The following VWA8 variants were observed in gnomAD, a reference collection of about 807,000 sequenced individuals.
VWA8 encodes the protein von Willebrand factor A domain containing 8.
In VWA8, 221 loss-of-function variants were observed where a neutral mutation model predicts 241.5. The observed-to-expected ratio is 0.91, with a 90% CI of 0.82 to 1.02. The LOEUF is 1.02. VWA8 is among the 50% of genes least tolerant of loss of function. The pLI is 0.00. For missense variants in VWA8, 2,322 were observed against 2,328.7 expected, an observed-to-expected ratio of 1.00 and a Z score of 0.06; for synonymous variants, 852 against 827.1, an observed-to-expected ratio of 1.03 and a Z score of -0.52.
chr13:41,953,759 A>C (rs1045915607), intron 1 of VWA8, among the ~76,000 whole-genome samples: 4 of 152,204 alleles, frequency 2.6e-5, no homozygotes, highest in Non-Finnish European at 5.9e-5. Flanking sequence ...CAGTGAGCCG[A>C]GATAGCGCCA....
At chr13:41,841,860 A>ATCTATAT (rs1566478209) in intron 12 of VWA8, among the ~76,000 whole-genome samples, 1 of 62,664 alleles carries the variant, frequency 1.6e-5, no homozygotes, top group African/African-American at 8.4e-5. Flanking sequence ...TATATATATA[A>ATCTATAT]AAACAGTAGA....
chr13:41,677,395 T>C (rs764496708), intron 35 of VWA8, among the ~76,000 whole-genome samples: 12 of 152,218 alleles, frequency 7.9e-5, no homozygotes, highest in Non-Finnish European at 1.8e-4. Flanking sequence ...CACTGCTTAG[T>C]CTTCACAGAG....
chr13:41,732,039 A>G, intron 22 of VWA8, 41 bp downstream of exon 22: 1 of 1,570,100 alleles, frequency 6.4e-7, no homozygotes, highest in Non-Finnish European at 8.7e-7. Context: ...ACTATGATAC[A>G]AAAATACACT....
chr13:41,837,692 T>A (rs1043399180), intron 12 of VWA8, among the ~76,000 whole-genome samples: 3 of 152,182 alleles, frequency 2.0e-5, no homozygotes, highest in African/African-American at 7.2e-5. Flanking sequence ...CCCATCTACA[T>A]GCACATTGCT....
chr13:41,915,254 C>T (rs1014524111), intron 2 of VWA8, among the ~76,000 whole-genome samples: 8 of 152,186 alleles, frequency 5.3e-5, no homozygotes, highest in Non-Finnish European at 1.0e-4. Context: ...TCTTCCACTT[C>T]AGCATGATGC....
chr13:41,599,582 C>T (rs1008020391), intron 40 of VWA8, among the ~76,000 whole-genome samples: 21 of 152,050 alleles, frequency 1.4e-4, no homozygotes, highest in African/African-American at 5.1e-4. Context: ...TGTTGAGGAA[C>T]AGATTGGACA....
At chr13:41,910,728 C>T (rs1875955499) in intron 3 of VWA8, among the ~76,000 whole-genome samples, 1 of 152,132 alleles carries the variant, frequency 6.6e-6, no homozygotes, top group South Asian at 2.1e-4. Context: ...TTTTACCTCA[C>T]AAACTAGTTC....
At position 41,628,036 on chromosome 13, in the gene VWA8, C is replaced by A. The variant is rs544353180; in HGVS notation, c.4612-12952G>T. Among the ~76,000 whole-genome samples, 632 of 152,252 alleles carry A rather than the reference C, an allele frequency of 4.2e-3. 2 individuals are homozygous for A. Among genetic ancestry groups the A allele is most frequent in the Non-Finnish European group, 5.9e-3 (402 of 68,024 alleles). ...AAATGACTTTGTAACTTTTCTTCAT[C>A]CACTTGATTTACATAGGGTGTACCC... On this transcript the variant is annotated intron_variant, in intron 37 of 44. Coordinates refer to ENST00000379310, the MANE Select transcript of VWA8 (RefSeq NM_015058.2).
intron 9 of VWA8, among the ~76,000 whole-genome samples, chr13:41,870,213 T>C (rs1873525023): frequency 1.3e-5 from 2 of 152,252 alleles, no homozygotes; most frequent in South Asian, 4.1e-4. Flanking sequence ...TGACAAGAAT[T>C]GCTTCCATGT....
At chr13:41,792,253 C>T (rs1869494862) in intron 17 of VWA8, among the ~76,000 whole-genome samples, 1 of 151,834 alleles carries the variant, frequency 6.6e-6, no homozygotes, top group Non-Finnish European at 1.5e-5. Flanking sequence ...AATCAAAAAT[C>T]ATCCAAAACA....
At chr13:41,945,066 A>C (rs545196994) in intron 2 of VWA8, among the ~76,000 whole-genome samples, 1 of 152,320 alleles carries the variant, frequency 6.6e-6, no homozygotes, top group African/African-American at 2.4e-5. Flanking sequence ...TTGAGGGTCC[A>C]CACAAGCAGA....
At chr13:41,910,091 G>T (rs1243095554) in intron 3 of VWA8, among the ~76,000 whole-genome samples, 1 of 152,186 alleles carries the variant, frequency 6.6e-6, no homozygotes, top group African/African-American at 2.4e-5. Context: ...ACAATTTAAA[G>T]TTGGGGGTGT....
At chr13:41,657,875 T>C (rs951861312) in intron 37 of VWA8, among the ~76,000 whole-genome samples, 1 of 152,238 alleles carries the variant, frequency 6.6e-6, no homozygotes, top group Admixed American at 6.5e-5. Flanking sequence ...GGCAATGTCA[T>C]GAGTCAGGAT....
At chr13:41,572,653 C>G (rs2044315551) in intron 43 of VWA8, among the ~76,000 whole-genome samples, 1 of 151,968 alleles carries the variant, frequency 6.6e-6, no homozygotes, top group Admixed American at 6.6e-5. Context: ...GACACAAACA[C>G]TGAGGAAGGC....
At position 41,833,515 on chromosome 13, in the gene VWA8, T is replaced by C; in HGVS notation, c.1442A>G (p.Asp481Gly). Residue 481 changes from aspartate to glycine, a missense_variant, in exon 13 of 45, where the codon GAT becomes GGT. By Grantham distance (94) the Asp-to-Gly change is moderately conservative. Transcript: ENST00000379310. ...AAGGGTGTATCTCTGCTGTAGCAGA[T>C]CACGCGCTGTCATATCCTAAAACAA... Reference protein sequence around the residue: ...IMLYQDMTARDLLQQRYTLPN... With the variant: ...IMLYQDMTARGLLQQRYTLPN... The C allele has an allele frequency of 6.2e-7, 1 of 1,608,302 alleles. No individual in the cohort carries two copies. The highest frequency in any genetic ancestry group is 8.5e-7 in the Non-Finnish European group (1 of 1,178,024).
At chr13:41,827,990 A>G (rs1371379422) in intron 14 of VWA8, among the ~76,000 whole-genome samples, 1 of 152,222 alleles carries the variant, frequency 6.6e-6, no homozygotes, top group Admixed American at 6.5e-5. Context: ...AAACTGTTCC[A>G]TGACCCGTGA....
At chr13:41,943,140 C>T (rs139179961) in intron 2 of VWA8, among the ~76,000 whole-genome samples, 1 of 151,982 alleles carries the variant, frequency 6.6e-6, no homozygotes, top group Non-Finnish European at 1.5e-5. Context: ...AACAAATGGA[C>T]AAGCAAGAGA....
intron 2 of VWA8, among the ~76,000 whole-genome samples, chr13:41,915,140 T>G (rs1876190750): frequency 6.6e-6 from 1 of 152,214 alleles, no homozygotes; most frequent in Admixed American, 6.5e-5. Flanking sequence ...AATAGAGACA[T>G]TTGTACAGCA....
intron 2 of VWA8, 60 bp from the exon 3 acceptor site, chr13:41,912,228 C>T: frequency 1.4e-6 from 2 of 1,388,060 alleles, no homozygotes. Flanking sequence ...ATATAAATCT[C>T]CAAGTAATGT....
Sources: allele counts gnomAD v4.1 joint callset (sites outside exome capture counted in the v4.1 genomes callset), GRCh38; gene constraint gnomAD v4.1.1; transcripts MANE v1.5; gene names NCBI Gene and HGNC (gene_info 2026-07-23, HGNC 2026-07-21).